ACSM1: variants seen among roughly 807,000 people sequenced by gnomAD.
ACSM1 encodes the protein acyl-CoA synthetase medium chain family member 1, also known as acyl-coenzyme A synthetase ACSM1, mitochondrial.
In ACSM1, 79 loss-of-function variants were observed where a neutral mutation model predicts 75.8. The ratio of observed to expected loss-of-function variants is 1.04; its 90% CI spans 0.87 to 1.26. ACSM1 has a LOEUF of 1.26. Among genes scored for constraint, ACSM1 ranks in the 50% most tolerant of loss-of-function variants. The pLI is 0.00. For synonymous variants in ACSM1, 279 were observed against 265.8 expected, an observed-to-expected ratio of 1.05 and a Z score of -0.48; for missense variants, 676 against 720.1, an observed-to-expected ratio of 0.94 and a Z score of 0.70.
At chr16:20,642,993 C>T (rs951215884) in intron 7 of ACSM1, among the ~76,000 whole-genome samples, 3 of 152,176 alleles carry the variant, frequency 2.0e-5, no homozygotes, top group East Asian at 1.9e-4. Context: ...TAAACAAGGG[C>T]GTAATCTGAA....
At chr16:20,672,489 TATATATAA>T (rs1301183967) in intron 4 of ACSM1, among the ~76,000 whole-genome samples, 1 of 117,344 alleles carries the variant, frequency 8.5e-6, no homozygotes, top group South Asian at 2.7e-4. Context: ...TATATATATA[TATATATAA>T]AAAACATATT....
Position 20,690,991 on chromosome 16 carries a change from T to C in ACSM1, c.192+6A>G, listed in dbSNP as rs2079642747. On this transcript the variant is annotated splice_donor_region_variant and intron_variant, in intron 2 of 13. Transcript: ENST00000520010. Reference sequence around the variant, plus strand: ...TCTTATATCGCCATCACGGCAGATCTCTTACCTTCTCCTTTTGAGCCCAGT... The same window carrying C: ...TCTTATATCGCCATCACGGCAGATCCCTTACCTTCTCCTTTTGAGCCCAGT... 4 of 1,607,646 alleles carry C rather than the reference T, an allele frequency of 2.5e-6. No individual in the cohort carries two copies. Among genetic ancestry groups the C allele is most frequent in the Non-Finnish European group, 3.4e-6 (4 of 1,177,728 alleles).
chr16:20,629,846 G>A (rs1000600876), intron 10 of ACSM1, among the ~76,000 whole-genome samples: 2 of 151,986 alleles, frequency 1.3e-5, no homozygotes, highest in Non-Finnish European at 2.9e-5. Flanking sequence ...ACAAAAATTA[G>A]CTGGGTGTGG....
chr16:20,679,273 C>G (rs1360723283), intron 4 of ACSM1: 1 of 152,266 alleles, frequency 6.6e-6, no homozygotes, highest in Non-Finnish European at 1.5e-5. Context: ...CCCGAATAGA[C>G]CTACGGCGAA....
At chr16:20,675,878 A>G (rs2020245816) in intron 4 of ACSM1, among the ~76,000 whole-genome samples, 1 of 152,222 alleles carries the variant, frequency 6.6e-6, no homozygotes, top group African/African-American at 2.4e-5. Context: ...CTACGGAGTT[A>G]AAGGTAAAGT....
At chr16:20,672,471 A>AAAAAAAAAAAAAAAAAATAT (rs1555473775) in intron 4 of ACSM1, among the ~76,000 whole-genome samples, 3 of 64,574 alleles carry the variant, frequency 4.6e-5, no homozygotes, top group Non-Finnish European at 7.9e-5. Flanking sequence ...AAAAAAAAAA[A>AAAAAAAAAAAAAAAAAATAT]ATATATATAT....
rs1170051411 is a variant in ACSM1 at position 20,648,123 on chromosome 16, C to A, written c.993-7539G>T. ...CTCTGCCGGACTTCATTACCCCCAC[C>A]ACCTGGTGTTGGGCCTGATAACCCC... On this transcript the variant is annotated intron_variant, in intron 7 of 13. Coordinates refer to ENST00000520010, the MANE Select transcript of ACSM1 (RefSeq NM_001318890.3). This position sits in a 1 kb window ranked among gnomAD's most constrained non-coding sequence, Gnocchi z 4.2. Among the ~76,000 whole-genome samples, 2 of 152,206 alleles carry A rather than the reference C, an allele frequency of 1.3e-5. No homozygotes were observed. Among genetic ancestry groups the A allele is most frequent in the Non-Finnish European group, 1.5e-5 (1 of 68,026 alleles).
chr16:20,685,845 AAC>A (rs60640295), intron 2 of ACSM1, among the ~76,000 whole-genome samples: 9,611 of 119,914 alleles, frequency 0.08, 1,787 homozygotes, highest in African/African-American at 0.14. Context: ...ACAAAAAAAA[AAC>A]AAAAAACTTA....
chr16:20,667,333 A>G (rs1412602705), intron 6 of ACSM1, among the ~76,000 whole-genome samples: 8 of 152,176 alleles, frequency 5.3e-5, no homozygotes, highest in African/African-American at 1.9e-4. Flanking sequence ...AAATAATCCA[A>G]TTAAAAAATG....
At chr16:20,646,633 GTCTT>G (rs761438923) in intron 7 of ACSM1, among the ~76,000 whole-genome samples, 8 of 152,114 alleles carry the variant, frequency 5.3e-5, no homozygotes, top group Non-Finnish European at 1.0e-4. Flanking sequence ...CTTTTCACAT[GTCTT>G]TCTAATTATG....
intron 7 of ACSM1, among the ~76,000 whole-genome samples, chr16:20,660,555 C>T (rs1053842697): frequency 1.4e-4 from 21 of 152,106 alleles, no homozygotes; most frequent in Non-Finnish European, 2.8e-4. Context: ...CAAGTTTGGA[C>T]CAAGGCCATC....
chr16:20,642,972 T>A (rs2018148645), intron 7 of ACSM1, among the ~76,000 whole-genome samples: 1 of 152,244 alleles, frequency 6.6e-6, no homozygotes, highest in South Asian at 2.1e-4. Context: ...AATACTGCCT[T>A]GTTGTCAGTG....
chr16:20,687,986 G>A (rs1369369439), intron 2 of ACSM1, among the ~76,000 whole-genome samples: 2 of 151,972 alleles, frequency 1.3e-5, no homozygotes, highest in African/African-American at 4.8e-5. Flanking sequence ...TCAGGAGGCT[G>A]AGGCAGGAGA....
intron 10 of ACSM1, among the ~76,000 whole-genome samples, chr16:20,635,582 T>C (rs149682199): frequency 0.093 from 182 of 1,952 alleles, 1 homozygote; most frequent in Middle Eastern, 0.17. Flanking sequence ...ATTTTTCTTT[T>C]TCTTTCTTTC....
chr16:20,640,704 T>A, intron 7 of ACSM1, 120 bp from the exon 8 acceptor site: 1 of 1,488,906 alleles, frequency 6.7e-7, no homozygotes, highest in Non-Finnish European at 9.0e-7. Context: ...TATTTACTTT[T>A]TGGTCATTTT....
intron 7 of ACSM1, among the ~76,000 whole-genome samples, chr16:20,661,204 A>G (rs2019281880): frequency 6.6e-6 from 1 of 152,206 alleles, no homozygotes; most frequent in Non-Finnish European, 1.5e-5. Flanking sequence ...GTATTTTCAT[A>G]AAATAGGATG....
At chr16:20,633,590 A>G (rs1055632577) in intron 10 of ACSM1, among the ~76,000 whole-genome samples, 1 of 152,208 alleles carries the variant, frequency 6.6e-6, no homozygotes, top group African/African-American at 2.4e-5. Flanking sequence ...TTAAGATGAC[A>G]ATACTGCCCA....
At chr16:20,646,567 C>T (rs2018375382) in intron 7 of ACSM1, among the ~76,000 whole-genome samples, 1 of 152,176 alleles carries the variant, frequency 6.6e-6, no homozygotes, top group Admixed American at 6.5e-5. Flanking sequence ...GGTCCAAGAA[C>T]AGACAGTCAC....
chr16:20,666,623 C>G (rs894483167), intron 6 of ACSM1, among the ~76,000 whole-genome samples: 4 of 152,034 alleles, frequency 2.6e-5, no homozygotes, highest in African/African-American at 9.7e-5. Flanking sequence ...TCAGAAAAAA[C>G]GACTTTAAAA....
Sources: gnomAD v4.1 joint callset for allele counts (sites outside exome capture counted in the v4.1 genomes callset) on GRCh38, gnomAD v4.1.1 for gene constraint, Gnocchi (gnomAD v3.1) non-coding constraint, MANE v1.5 for transcripts, NCBI Gene and HGNC (gene_info 2026-07-23, HGNC 2026-07-21) for gene names.